Variants in HIPK2 observed in about 807,000 individuals in gnomAD.
HIPK2 encodes the protein homeodomain interacting protein kinase 2, also known as homeodomain-interacting protein kinase 2.
In HIPK2, 27 loss-of-function variants were observed where a neutral mutation model predicts 113.7. The observed-to-expected ratio is 0.24, with a 90% CI of 0.17 to 0.33. The LOEUF (loss-of-function observed/expected upper bound fraction) is 0.33, where lower values mean the gene tolerates loss of function less well. HIPK2 is among the 10% of genes least tolerant of loss of function. The pLI, the probability that HIPK2 is intolerant of heterozygous loss-of-function variation, is 1.00. For synonymous variants in HIPK2, 631 were observed against 642.2 expected (o/e 0.98, Z 0.26); for missense variants, 1,257 against 1,588.0 (o/e 0.79, Z 3.54).
At chr7:139,609,789 G>C (rs1799748432) in intron 9 of HIPK2, among the ~76,000 whole-genome samples, 1 of 152,104 alleles carries the variant, frequency 6.6e-6, no homozygotes, top group Non-Finnish European at 1.5e-5. Context: ...CTGACAAAAA[G>C]ACACAACACG....
At chr7:139,645,631 C>T (rs1214677679) in intron 2 of HIPK2, among the ~76,000 whole-genome samples, 2 of 152,122 alleles carry the variant, frequency 1.3e-5, no homozygotes, top group African/African-American at 2.4e-5. Flanking sequence ...GTACAGGATG[C>T]GGCCTGACTC....
At chr7:139,740,855 T>C (rs1796079943) in intron 1 of HIPK2, among the ~76,000 whole-genome samples, 1 of 152,138 alleles carries the variant, frequency 6.6e-6, no homozygotes, top group African/African-American at 2.4e-5. Flanking sequence ...CAGGCAAAAG[T>C]ACAAATTCCG....
At chr7:139,721,142 T>A (rs1795396027) in intron 1 of HIPK2, among the ~76,000 whole-genome samples, 1 of 152,196 alleles carries the variant, frequency 6.6e-6, no homozygotes, top group South Asian at 2.1e-4. Flanking sequence ...CAGCCGCTAT[T>A]CCAATGACTG....
intron 4 of HIPK2, among the ~76,000 whole-genome samples, chr7:139,629,443 C>T (rs376909613): frequency 1.3e-4 from 20 of 152,354 alleles, no homozygotes; most frequent in East Asian, 7.7e-4. Flanking sequence ...GCTCTTGCTA[C>T]GTGCCAGACA....
intron 7 of HIPK2, 98 bp from the exon 8 acceptor site, chr7:139,614,591 C>G (rs1799966943): frequency 2.4e-6 from 2 of 816,508 alleles, no homozygotes; most frequent in Non-Finnish European, 3.4e-6. Flanking sequence ...TAAATGAACT[C>G]AAAGAAGAAC....
intron 2 of HIPK2, among the ~76,000 whole-genome samples, chr7:139,662,670 A>C (rs1172529391): frequency 6.9e-6 from 1 of 144,016 alleles, no homozygotes; most frequent in Non-Finnish European, 1.5e-5. Context: ...CCCAGGCTGG[A>C]GCACAGTGGC....
chr7:139,737,058 G>A (rs563418359), intron 1 of HIPK2, among the ~76,000 whole-genome samples: 2 of 152,170 alleles, frequency 1.3e-5, no homozygotes, highest in Non-Finnish European at 2.9e-5. Context: ...TTTTCATTCC[G>A]TTTTAGTTAA....
At chr7:139,708,276 G>A (rs1794964682) in intron 2 of HIPK2, among the ~76,000 whole-genome samples, 1 of 152,160 alleles carries the variant, frequency 6.6e-6, no homozygotes, top group South Asian at 2.1e-4. Flanking sequence ...CATAGGCTGT[G>A]GTGGTTTCAT....
chr7:139,565,262 C>A lies in HIPK2; in HGVS notation c.*7665G>T, dbSNP rs1798057994. On this transcript the variant is annotated 3_prime_UTR_variant, in exon 15 of 15. Coordinates refer to ENST00000406875, the MANE Select transcript of HIPK2 (RefSeq NM_022740.5). ...TTCCAGAATACCTATTGAAACCAACCAGGATCTCAAACTCCGATTAGTTAG... is the reference window on the plus strand; with the variant it reads ...TTCCAGAATACCTATTGAAACCAACAAGGATCTCAAACTCCGATTAGTTAG... The A allele has an allele frequency of 6.6e-6, 1 of 151,624 alleles. No individual in the cohort carries two copies. The highest frequency in any genetic ancestry group is 2.1e-4 in the South Asian group (1 of 4,792). The allele number at this position is 151,624 out of a possible 1,614,324, so 9.4% of individuals were successfully genotyped here.
chr7:139,738,280 C>A (rs1290199605), intron 1 of HIPK2, among the ~76,000 whole-genome samples: 1 of 152,236 alleles, frequency 6.6e-6, no homozygotes, highest in African/African-American at 2.4e-5. Context: ...TGTATGAGAG[C>A]GCCCTATTCT....
chr7:139,634,134 A>G (rs533733722), intron 2 of HIPK2, among the ~76,000 whole-genome samples: 2 of 152,044 alleles, frequency 1.3e-5, no homozygotes, highest in Non-Finnish European at 1.5e-5. Flanking sequence ...ATTTTAGTTT[A>G]TTCCTTTCCT....
chr7:139,712,985 G>C (rs1297118419), intron 2 of HIPK2, among the ~76,000 whole-genome samples: 1 of 152,200 alleles, frequency 6.6e-6, no homozygotes, highest in Non-Finnish European at 1.5e-5. Flanking sequence ...GCTGGGCACA[G>C]GGAGGCTGAC....
chr7:139,602,249 G>A (rs1334245712), intron 10 of HIPK2, among the ~76,000 whole-genome samples: 3 of 152,110 alleles, frequency 2.0e-5, no homozygotes, highest in East Asian at 1.9e-4. Context: ...CACTGCATCC[G>A]ACCAAGAAAC....
intron 2 of HIPK2, among the ~76,000 whole-genome samples, chr7:139,680,760 C>T (rs1802671430): frequency 6.6e-6 from 1 of 152,232 alleles, no homozygotes; most frequent in Admixed American, 6.5e-5. Context: ...AGAGCACAGC[C>T]CACTGGGATT....
chr7:139,675,362 G>C lies in HIPK2; in HGVS notation c.1103+40570C>G, dbSNP rs190425380. Among the ~76,000 whole-genome samples the C allele has an allele frequency of 2.0e-5, 3 of 152,086 alleles. No homozygotes were observed. The East Asian group carries it at 5.8e-4, about 30-fold the overall frequency. Reference sequence around the variant, plus strand: ...ACAGGTCACTTTACAAACAAGACCAGAGGACAGCATATGAAAAACAGTGAG... The same window carrying C: ...ACAGGTCACTTTACAAACAAGACCACAGGACAGCATATGAAAAACAGTGAG... On this transcript the variant is annotated intron_variant, in intron 2 of 14. Coordinates refer to ENST00000406875, the MANE Select transcript of HIPK2 (RefSeq NM_022740.5).
intron 2 of HIPK2, among the ~76,000 whole-genome samples, chr7:139,650,034 A>T (rs1801398355): frequency 6.6e-6 from 1 of 152,168 alleles, no homozygotes; most frequent in African/African-American, 2.4e-5. Context: ...CAGGGAAGAC[A>T]GTTCTAAGAT....
chr7:139,573,253 C>T lies in HIPK2; in HGVS notation c.3271G>A (p.Ala1091Thr), dbSNP rs778576105. ...GTVHPHLAAA[A>T]AAAHLPTQPH... is the part of the protein sequence containing the mutation. ...TGGGTGGGGAGGTGGGCAGCGGCAG[C>T]GGCTGCAGCCAGATGCGGGTGCACA... The change falls in exon 15 of 15, where the codon GCT (alanine) becomes ACT (threonine). Residue 1091 changes from alanine to threonine, a missense_variant. Ala to Thr is a moderately conservative substitution (Grantham distance 58). This residue lies in a region of HIPK2 where 862 missense variants were observed against 1,004.3 expected (regional missense o/e 0.86). Transcript: ENST00000406875. 5.0e-6 allele frequency: 8 copies of T among 1,603,656 alleles called. No homozygotes were observed. The highest frequency in any genetic ancestry group is 4.5e-5 in the East Asian group (2 of 44,854).
chr7:139,744,020 G>A (rs1796150089), intron 1 of HIPK2, among the ~76,000 whole-genome samples: 1 of 152,142 alleles, frequency 6.6e-6, no homozygotes, highest in Non-Finnish European at 1.5e-5. Flanking sequence ...AATATGCACA[G>A]GATGATCATT....
chr7:139,566,515 A>AAGAT lies in HIPK2; in HGVS notation c.*6408_*6411dup, dbSNP rs1798095580. 6.6e-6 allele frequency: 1 copy of AAGAT among 152,224 alleles called. No homozygotes were observed. Among genetic ancestry groups the AAGAT allele is most frequent in the East Asian group, 1.9e-4 (1 of 5,196 alleles). The allele number at this position is 152,224 out of a possible 1,614,324, so 9.4% of individuals were successfully genotyped here. A position where few individuals can be genotyped will look rare whatever the true frequency, so the allele number is the denominator to read the frequency against. On this transcript the variant is annotated 3_prime_UTR_variant, in exon 15 of 15. Transcript: ENST00000406875. The surrounding 1 kb of genome is among the most constrained non-coding windows in gnomAD (Gnocchi z 4.1). ...ATTGCTATTAATTAAAAAAAGTTAA[A>AAGAT]AGATTAAAAATCACATCTCAGGAAG...
Sources: allele counts gnomAD v4.1 joint callset (sites outside exome capture counted in the v4.1 genomes callset), GRCh38; gene constraint gnomAD v4.1.1; regional missense constraint gnomAD v4.1.1; non-coding constraint Gnocchi (gnomAD v3.1); transcripts MANE v1.5; gene names NCBI Gene and HGNC (gene_info 2026-07-23, HGNC 2026-07-21).